Variants in TRERF1 observed in about 807,000 individuals in gnomAD.
TRERF1 encodes transcriptional-regulating factor 1.
Under a neutral mutation model 122.9 loss-of-function variants are expected in TRERF1, and 27 were observed. The observed-to-expected ratio is 0.22, with a 90% CI of 0.16 to 0.30. The LOEUF (loss-of-function observed/expected upper bound fraction) is 0.30. Among genes scored for constraint, TRERF1 ranks in the 10% least tolerant of loss-of-function variants. The pLI is 1.00. For missense variants in TRERF1, 1,248 were observed against 1,560.3 expected (o/e 0.80, Z 3.37); for synonymous variants, 636 against 641.7 (o/e 0.99, Z 0.13).
At chr6:42,294,432 A>C (rs922765431) in intron 4 of TRERF1, among the ~76,000 whole-genome samples, 7 of 152,180 alleles carry the variant, frequency 4.6e-5, no homozygotes, top group African/African-American at 1.7e-4. Context: ...CGCTCGCCTC[A>C]GCCTCCCAAA....
intron 2 of TRERF1, among the ~76,000 whole-genome samples, chr6:42,447,679 A>G (rs1364211236): frequency 1.3e-5 from 2 of 152,066 alleles, no homozygotes; most frequent in Non-Finnish European, 2.9e-5. Flanking sequence ...CCACTTGCCT[A>G]GATCCTTACT....
At chr6:42,381,082 A>G (rs192721257) in intron 2 of TRERF1, among the ~76,000 whole-genome samples, 1 of 152,270 alleles carries the variant, frequency 6.6e-6, no homozygotes, top group African/African-American at 2.4e-5. Flanking sequence ...CCTGGAGAAC[A>G]TGAACTGTTG....
chr6:42,237,392 C>T (rs9471817), intron 15 of TRERF1, among the ~76,000 whole-genome samples: 4,988 of 152,288 alleles, frequency 0.033, 293 homozygotes, highest in African/African-American at 0.11. Context: ...GGGGTGAGGG[C>T]TGCTGGCTCC....
chr6:42,274,675 T>C (rs1361269163), intron 4 of TRERF1, among the ~76,000 whole-genome samples: 1 of 151,492 alleles, frequency 6.6e-6, no homozygotes, highest in African/African-American at 2.4e-5. Context: ...TGAGACCCTG[T>C]CTCAAAAAAT....
intron 13 of TRERF1, 52 bp from the exon 14 acceptor site, chr6:42,246,596 T>C: frequency 7.5e-7 from 1 of 1,327,460 alleles, no homozygotes. Flanking sequence ...CCCCTGCTTT[T>C]AGTTGCTGGT....
At chr6:42,265,681 G>T in intron 6 of TRERF1, 70 bp downstream of exon 6, 2 of 1,466,832 alleles carry the variant, frequency 1.4e-6, no homozygotes, top group South Asian at 2.4e-5. Flanking sequence ...ATTTAAAAAT[G>T]AATCATGAGA....
intron 3 of TRERF1, among the ~76,000 whole-genome samples, chr6:42,345,757 C>T (rs960648664): frequency 1.3e-5 from 2 of 152,232 alleles, no homozygotes; most frequent in African/African-American, 4.8e-5. Context: ...CTGAATTCCA[C>T]CCAAGATCCT....
At chr6:42,249,397 C>T (rs1412628888) in intron 13 of TRERF1, among the ~76,000 whole-genome samples, 1 of 152,178 alleles carries the variant, frequency 6.6e-6, no homozygotes, top group African/African-American at 2.4e-5. Flanking sequence ...AAGCAGTGTT[C>T]AGTTCCCAGG....
chr6:42,328,068 C>G (rs941098291), intron 3 of TRERF1, among the ~76,000 whole-genome samples: 2 of 138,712 alleles, frequency 1.4e-5, no homozygotes, highest in Admixed American at 7.7e-5. Flanking sequence ...GGCAGTGGTA[C>G]AATCTTGGCT....
At position 42,403,933 on chromosome 6, in the gene TRERF1, C is replaced by A. The variant is rs182674315; in HGVS notation, c.-453-40854G>T. ...TGACAGACTTGAAATTCCATGAGAC[C>A]CCCCCCAGGCCTTGCCACAGAGCCC... On this transcript the variant is annotated intron_variant, in intron 2 of 17. Coordinates refer to ENST00000372922, the Ensembl canonical transcript of TRERF1. 2.9e-3 allele frequency among the ~76,000 whole-genome samples: 439 copies of A among 151,488 alleles called. 3 individuals carry two copies. Among genetic ancestry groups the A allele is most frequent in the African/African-American group, 0.01 (422 of 40,864 alleles).
intron 2 of TRERF1, among the ~76,000 whole-genome samples, chr6:42,374,225 G>A (rs941103616): frequency 3.9e-5 from 6 of 152,020 alleles, no homozygotes; most frequent in African/African-American, 1.4e-4. Flanking sequence ...AGCCGGGGGC[G>A]GGTGTGTGCA....
chr6:42,283,765 C>T (rs34163214), intron 4 of TRERF1, among the ~76,000 whole-genome samples: 4,145 of 151,766 alleles, frequency 0.027, 57 homozygotes, highest in Non-Finnish European at 0.037. Context: ...TACAGGCATG[C>T]GCCACCGTGC....
chr6:42,271,697 C>A (rs961317543), intron 4 of TRERF1, among the ~76,000 whole-genome samples: 1 of 152,076 alleles, frequency 6.6e-6, no homozygotes, highest in Non-Finnish European at 1.5e-5. Flanking sequence ...ATTAGTAATA[C>A]ATTAAATGTT....
intron 2 of TRERF1, among the ~76,000 whole-genome samples, chr6:42,414,168 A>G (rs1333737018): frequency 6.6e-6 from 1 of 152,262 alleles, no homozygotes; most frequent in East Asian, 1.9e-4. Flanking sequence ...AGCAGCAACA[A>G]GTAAGTGAAA....
intron 3 of TRERF1, among the ~76,000 whole-genome samples, chr6:42,316,466 C>T (rs532380545): frequency 6.6e-6 from 1 of 152,266 alleles, no homozygotes; most frequent in African/African-American, 2.4e-5. Context: ...CAGGTGCCTG[C>T]TTATGTGTGC....
At chr6:42,250,777 G>A (rs1184343951) in intron 13 of TRERF1, among the ~76,000 whole-genome samples, 1 of 152,082 alleles carries the variant, frequency 6.6e-6, no homozygotes, top group Non-Finnish European at 1.5e-5. Flanking sequence ...GGATGAAACC[G>A]GTGCTGGAAC....
chr6:42,244,837 G>T (rs1333628571), intron 14 of TRERF1, among the ~76,000 whole-genome samples: 1 of 152,254 alleles, frequency 6.6e-6, no homozygotes, highest in Non-Finnish European at 1.5e-5. Context: ...ACAGGCAAAG[G>T]TCTATGCATC....
At chr6:42,258,171 G>C (rs1324840315) in exon 10 of TRERF1, 1 of 1,614,180 alleles carries the variant, frequency 6.2e-7, no homozygotes, top group Non-Finnish European at 8.5e-7. Context: ...AGGCCCTGGG[G>C]TGACCGTCAC....
At chr6:42,357,333 A>G (rs1448164493) in intron 3 of TRERF1, among the ~76,000 whole-genome samples, 2 of 140,038 alleles carry the variant, frequency 1.4e-5, no homozygotes, top group Non-Finnish European at 3.2e-5. Context: ...TGTCTCAAAA[A>G]AAAAAAAAAA....
Sources: gnomAD v4.1 joint callset for allele counts (sites outside exome capture counted in the v4.1 genomes callset) on GRCh38, gnomAD v4.1.1 for gene constraint, MANE v1.5 for transcripts, NCBI Gene and HGNC (gene_info 2026-07-23, HGNC 2026-07-21) for gene names.